The following NEXMIF variants were observed in gnomAD, a reference collection of about 807,000 sequenced individuals.
NEXMIF encodes the protein XLMR protein related to neurite extension.
NEXMIF carries 8 observed loss-of-function variants against 62.1 expected under a neutral mutation model. The ratio of observed to expected loss-of-function variants is 0.13; its 90% CI spans 0.08 to 0.23. The LOEUF (loss-of-function observed/expected upper bound fraction) is 0.23, where lower values mean the gene tolerates loss of function less well. NEXMIF is among the 10% of genes least tolerant of loss of function. The pLI is 1.00. For synonymous variants in NEXMIF, 404 were observed against 416.6 expected, an observed-to-expected ratio of 0.97 and a Z score of 0.37; for missense variants, 976 against 1,113.3, an observed-to-expected ratio of 0.88 and a Z score of 1.75.
At chrX:74,818,590 A>C (rs1011634659) in intron 1 of NEXMIF, among the ~76,000 whole-genome samples, 4 of 112,345 alleles carry the variant, frequency 3.6e-5, no homozygotes, top group Non-Finnish European at 7.5e-5. Context: ...GAATTATAAC[A>C]AAAACAAAAA....
chrX:74,886,099 C>T (rs1156620713), intron 1 of NEXMIF, among the ~76,000 whole-genome samples: 1 of 111,910 alleles, frequency 8.9e-6, no homozygotes, highest in Non-Finnish European at 1.9e-5. Context: ...AATTCAACAG[C>T]CTTTCATGCT....
intron 1 of NEXMIF, among the ~76,000 whole-genome samples, chrX:74,838,960 A>G (rs992406946): frequency 8.9e-6 from 1 of 111,916 alleles, no homozygotes; most frequent in Non-Finnish European, 1.9e-5. Flanking sequence ...CTTAGGATAT[A>G]AATTATTATC....
At chrX:74,847,349 C>T (rs144904684) in intron 1 of NEXMIF, among the ~76,000 whole-genome samples, 1 of 111,703 alleles carries the variant, frequency 9.0e-6, no homozygotes, top group African/African-American at 3.2e-5. Flanking sequence ...ATAGTTTCTC[C>T]CCAAAAGAAG....
chrX:74,863,294 A>C (rs1285260401), intron 1 of NEXMIF, among the ~76,000 whole-genome samples: 1 of 111,408 alleles, frequency 9.0e-6, no homozygotes, highest in African/African-American at 3.3e-5. Flanking sequence ...GAGTGAACTG[A>C]AGGAGATAGA....
rs769315729 is a variant in NEXMIF at position 74,739,395 on chromosome X, A to G, written c.*10T>C. ...ACAAGGCATATTTTGAAAGAAATAA[A>G]ACACAAACATCAAATGTCTTTCTGG... On this transcript the variant is annotated 3_prime_UTR_variant, in exon 4 of 4. Transcript: ENST00000055682. The G allele has an allele frequency of 8.6e-7, 1 of 1,168,720 alleles. No homozygotes were observed. Among genetic ancestry groups the G allele is most frequent in the Non-Finnish European group, 1.2e-6 (1 of 865,563 alleles).
At chrX:74,893,401 T>G (rs1273604691) in intron 1 of NEXMIF, among the ~76,000 whole-genome samples, 1 of 112,328 alleles carries the variant, frequency 8.9e-6, no homozygotes, top group Non-Finnish European at 1.9e-5. Context: ...AGTTTTCTTG[T>G]TTTTCATCCT....
At chrX:74,825,318 T>C (rs970966053) in intron 1 of NEXMIF, among the ~76,000 whole-genome samples, 3 of 111,350 alleles carry the variant, frequency 2.7e-5, no homozygotes, top group African/African-American at 6.5e-5. Context: ...GTTGTACAGT[T>C]TATTTCATCA....
At position 74,743,258 on chromosome X, in the gene NEXMIF, C is replaced by T. The variant is rs2147441065; in HGVS notation, c.1299G>A (p.Leu433=). Residue 433 remains leucine (L), a synonymous_variant, in exon 3 of 4, where the codon CTG becomes CTA. Transcript: ENST00000055682. Reference sequence around the variant, plus strand: ...CATCACTGAAACTCCCTGATGTCTCCAGGGAATTAGCAAGATGGCCCTGCT... The same window carrying T: ...CATCACTGAAACTCCCTGATGTCTCTAGGGAATTAGCAAGATGGCCCTGCT... ...NPKQGHLANS[L]ETSGSFSDDS... 8.3e-7 allele frequency: 1 copy of T among 1,211,666 alleles called. No individual in the cohort carries two copies. The highest frequency in any genetic ancestry group is 1.1e-6 in the Non-Finnish European group (1 of 895,511).
intron 1 of NEXMIF, among the ~76,000 whole-genome samples, chrX:74,921,907 TG>T (rs1185007816): frequency 9.0e-6 from 1 of 111,584 alleles, no homozygotes; most frequent in Non-Finnish European, 1.9e-5. Context: ...TTAAAGATAA[TG>T]TAACAGTCGA....
chrX:74,741,079 T>C lies in NEXMIF; in HGVS notation c.3478A>G (p.Asn1160Asp), dbSNP rs751851884. The change falls in exon 3 of 4, where the codon AAT (asparagine) becomes GAT (aspartate). Residue 1160 changes from asparagine (N) to aspartate (D), a missense_variant. Physicochemically the swap from Asn to Asp is conservative, Grantham distance 23. Coordinates refer to ENST00000055682, the MANE Select transcript of NEXMIF (RefSeq NM_001008537.3). The stretch of plus-strand genomic sequence containing the variant: ...GTACTAATTTGACCAGATGGATCAT[T>C]AAATGTTGACAGGCAAGGGTTTTTT... The part of the protein sequence containing the change: ...LQKNPCLSTF[N>D]DPSGQISTNN... 8.3e-7 allele frequency: 1 copy of C among 1,211,756 alleles called. No homozygotes were observed. The highest frequency in any genetic ancestry group is 2.2e-5 in the Admixed American group (1 of 46,034).
chrX:74,798,801 C>G (rs1407658107), intron 1 of NEXMIF, among the ~76,000 whole-genome samples: 1 of 109,088 alleles, frequency 9.2e-6, no homozygotes, highest in Non-Finnish European at 1.9e-5. Context: ...GCAACAGTCA[C>G]AGGGTAAAGA....
intron 1 of NEXMIF, among the ~76,000 whole-genome samples, chrX:74,793,554 A>G (rs1469642322): frequency 1.8e-5 from 2 of 111,253 alleles, no homozygotes; most frequent in East Asian, 2.8e-4. Context: ...TCTCCTGGAG[A>G]ATATCCTGCA....
At chrX:74,808,265 G>A (rs991700619) in intron 1 of NEXMIF, among the ~76,000 whole-genome samples, 2 of 110,579 alleles carry the variant, frequency 1.8e-5, no homozygotes, top group Admixed American at 1.9e-4. Flanking sequence ...TTAGCCAGGT[G>A]TGGTGGCATA....
intron 1 of NEXMIF, among the ~76,000 whole-genome samples, chrX:74,759,232 GTTGT>G (rs1005468741): frequency 5.4e-5 from 6 of 112,092 alleles, no homozygotes; most frequent in African/African-American, 1.6e-4. Context: ...TTTTAATGGG[GTTGT>G]TTGTTTTTTC....
At chrX:74,796,231 T>TATATATATGCATATATA (rs2080309885) in intron 1 of NEXMIF, among the ~76,000 whole-genome samples, 1 of 53,303 alleles carries the variant, frequency 1.9e-5, no homozygotes, top group Non-Finnish European at 3.2e-5. Context: ...ACATATATAA[T>TATATATATGCATATATA]ATATATATAT....
chrX:74,734,023 C>T lies in NEXMIF; in HGVS notation c.*5382G>A, dbSNP rs1468714726. On this transcript the variant is annotated 3_prime_UTR_variant, in exon 4 of 4. Coordinates refer to ENST00000055682, the MANE Select transcript of NEXMIF (RefSeq NM_001008537.3). ...TTAAAAATATACAAGATTTTGTAGA[C>T]GTCTTAAGAGTGATCCTTAAGCTTT... is the stretch of plus-strand genomic sequence containing the variant. 2.7e-5 allele frequency: 3 copies of T among 111,345 alleles called. No homozygotes were observed. Among genetic ancestry groups the T allele is most frequent in the African/African-American group, 9.8e-5 (3 of 30,615 alleles). The allele number at this position is 111,345 out of a possible 1,213,427, so 9.2% of individuals were successfully genotyped here. A position where few individuals can be genotyped will look rare whatever the true frequency, so the allele number is the denominator to read the frequency against.
chrX:74,808,058 G>T (rs1403613332), intron 1 of NEXMIF, among the ~76,000 whole-genome samples: 1 of 111,263 alleles, frequency 9.0e-6, no homozygotes. Context: ...TAATATGATG[G>T]ATTACATTAA....
intron 1 of NEXMIF, among the ~76,000 whole-genome samples, chrX:74,814,822 C>T (rs2080370995): frequency 8.9e-6 from 1 of 112,016 alleles, no homozygotes; most frequent in Non-Finnish European, 1.9e-5. Flanking sequence ...AGGAAACTTT[C>T]CATTTGCTTA....
Position 74,872,465 on chromosome X carries a change from T to TGAA in NEXMIF, c.-48+52417_-48+52418insTTC, listed in dbSNP as rs1470340858. The stretch of plus-strand genomic sequence containing the variant: ...GTGGGTGGGGGGTGGTGGGGGGAAA[T>TGAA]GACAGTTAGTGGTTACAAAAAATCA... On this transcript the variant is annotated intron_variant, in intron 1 of 3. Coordinates refer to ENST00000055682, the MANE Select transcript of NEXMIF (RefSeq NM_001008537.3). Among the ~76,000 whole-genome samples, 296 of 107,526 alleles carry TGAA rather than the reference T, an allele frequency of 2.8e-3. 2 individuals are homozygous for TGAA. The highest frequency in any genetic ancestry group is 9.6e-3 in the African/African-American group (283 of 29,474). 93.4% of individuals were successfully genotyped at this position (107,526 alleles called of 115,157 possible).
Sources: gnomAD v4.1 joint callset for allele counts (sites outside exome capture counted in the v4.1 genomes callset) on GRCh38, gnomAD v4.1.1 for gene constraint, MANE v1.5 for transcripts, NCBI Gene and HGNC (gene_info 2026-07-23, HGNC 2026-07-21) for gene names.